Variants in ARHGAP10 observed in about 807,000 individuals in gnomAD.
ARHGAP10 encodes rho GTPase-activating protein 10.
Under a neutral mutation model 108.6 loss-of-function variants are expected in ARHGAP10, and 87 were observed. The ratio of observed to expected loss-of-function variants is 0.80; its 90% CI spans 0.67 to 0.96. The LOEUF is 0.96. Ranked by LOEUF, ARHGAP10 falls within the 40% of genes least tolerant of loss-of-function variation. The probability of loss-of-function intolerance (pLI) is 0.00; values close to 1 mark genes in which losing one functional copy is unlikely to be tolerated. For synonymous variants in ARHGAP10, 347 were observed against 341.1 expected (o/e 1.02, Z -0.19); for missense variants, 939 against 954.5 (o/e 0.98, Z 0.21).
chr4:148,054,323 C>T (rs1436166029), intron 20 of ARHGAP10, among the ~76,000 whole-genome samples: 6 of 152,154 alleles, frequency 3.9e-5, no homozygotes, highest in African/African-American at 1.4e-4. Flanking sequence ...TTTAAGCAAA[C>T]CAAGGCTTAG....
At chr4:147,855,389 A>G (rs1238070243) in intron 4 of ARHGAP10, among the ~76,000 whole-genome samples, 2 of 151,744 alleles carry the variant, frequency 1.3e-5, no homozygotes, top group Non-Finnish European at 1.5e-5. Flanking sequence ...GTGGAAGAGC[A>G]TAATGAAAAG....
intron 5 of ARHGAP10, chr4:147,857,872 G>C (rs185983952): frequency 4.2e-5 from 11 of 259,788 alleles, no homozygotes; most frequent in African/African-American, 8.9e-5. Context: ...ATTCATAGTA[G>C]TAAAATTTTT....
chr4:148,042,154 C>T (rs996238472), intron 19 of ARHGAP10, among the ~76,000 whole-genome samples: 2 of 152,210 alleles, frequency 1.3e-5, no homozygotes, highest in East Asian at 1.9e-4. Flanking sequence ...TTTTTTTATT[C>T]CCTATTTCAG....
intron 12 of ARHGAP10, among the ~76,000 whole-genome samples, chr4:147,912,786 C>T (rs966854096): frequency 6.0e-5 from 9 of 148,832 alleles, no homozygotes; most frequent in Non-Finnish European, 8.9e-5. Flanking sequence ...GCTGGGACTA[C>T]AGGCACCCAT....
intron 19 of ARHGAP10, among the ~76,000 whole-genome samples, chr4:148,031,030 G>A (rs1728127150): frequency 1.3e-5 from 2 of 152,204 alleles, no homozygotes; most frequent in South Asian, 2.1e-4. Context: ...CTGCACTCCA[G>A]CCTGGGTGAC....
chr4:147,961,694 T>G (rs1295864377), intron 16 of ARHGAP10, among the ~76,000 whole-genome samples: 2 of 152,130 alleles, frequency 1.3e-5, no homozygotes, highest in Admixed American at 6.5e-5. Flanking sequence ...CCTCTTTGTT[T>G]AACCTCCTCA....
chr4:147,925,991 C>T (rs1737446524), intron 13 of ARHGAP10, among the ~76,000 whole-genome samples: 1 of 152,210 alleles, frequency 6.6e-6, no homozygotes. Context: ...TTTGCTAAGG[C>T]TGCAAGCAAC....
At chr4:147,779,514 A>G (rs1297288808) in intron 1 of ARHGAP10, among the ~76,000 whole-genome samples, 1 of 152,162 alleles carries the variant, frequency 6.6e-6, no homozygotes, top group Non-Finnish European at 1.5e-5. Flanking sequence ...TGTCCCCCAG[A>G]TGGATTATCT....
intron 7 of ARHGAP10, among the ~76,000 whole-genome samples, chr4:147,872,099 C>CAAAAAAA (rs36205660): frequency 1.4e-5 from 1 of 70,018 alleles, no homozygotes; most frequent in Non-Finnish European, 3.5e-5. Context: ...GAGACTCGGT[C>CAAAAAAA]AAAAAAAAAA....
At chr4:147,955,867 T>C (rs1001394783) in intron 16 of ARHGAP10, among the ~76,000 whole-genome samples, 1 of 152,154 alleles carries the variant, frequency 6.6e-6, no homozygotes, top group Non-Finnish European at 1.5e-5. Context: ...CTCCAAACAG[T>C]ATTTGATACA....
Position 147,732,222 on chromosome 4 carries a change from G to C in ARHGAP10, c.-80G>C, listed in dbSNP as rs2126668564. The C allele has an allele frequency of 2.2e-6, 3 of 1,387,894 alleles. No homozygotes were observed. The South Asian group carries it at 4.9e-5, about 23-fold the overall frequency. The allele number at this position is 1,387,894 out of a possible 1,614,324, so 86.0% of individuals were successfully genotyped here. A position where few individuals can be genotyped will look rare whatever the true frequency, so the allele number is the denominator to read the frequency against. ...CCTCTGTGCTCCCTGAACGCGCGGC[G>C]CCGCACCTGGCAGCGGCCTCGGAGC... On this transcript the variant is annotated 5_prime_UTR_variant, in exon 1 of 23. Transcript: ENST00000336498.
chr4:147,814,161 T>C (rs1732140489), intron 1 of ARHGAP10, among the ~76,000 whole-genome samples: 1 of 152,184 alleles, frequency 6.6e-6, no homozygotes, highest in South Asian at 2.1e-4. Flanking sequence ...TACAGCACCA[T>C]GGGCTGTGCT....
At chr4:147,967,492 G>T (rs926960439) in intron 18 of ARHGAP10, among the ~76,000 whole-genome samples, 3 of 152,214 alleles carry the variant, frequency 2.0e-5, no homozygotes, top group Admixed American at 1.3e-4. Flanking sequence ...TGTGGTGGAT[G>T]GGGTTGACCC....
At chr4:148,042,564 T>C (rs770125547) in intron 19 of ARHGAP10, among the ~76,000 whole-genome samples, 8 of 152,192 alleles carry the variant, frequency 5.3e-5, no homozygotes, top group Non-Finnish European at 8.8e-5. Context: ...TTCCCTTTCC[T>C]GTTGCTGCAC....
chr4:147,918,997 C>T (rs533590382), intron 13 of ARHGAP10, among the ~76,000 whole-genome samples: 2 of 152,324 alleles, frequency 1.3e-5, no homozygotes, highest in Admixed American at 1.3e-4. Context: ...TTTTCCTCTT[C>T]TACTAAATTC....
rs950667371 is a variant in ARHGAP10, at chr4:147,941,773, C to T, written c.1303+1874C>T. ...TTTGGATTTTCATTAGCATTAATAC[C>T]ATTTTCTTATTACCTTATGCTACCA... is the stretch of plus-strand genomic sequence containing the variant. On this transcript the variant is annotated intron_variant, in intron 14 of 22. Coordinates refer to ENST00000336498, the MANE Select transcript of ARHGAP10 (RefSeq NM_024605.4). Among the ~76,000 whole-genome samples the T allele has an allele frequency of 2.4e-4, 37 of 152,092 alleles. 1 individual carries two copies. Among genetic ancestry groups the T allele is most frequent in the African/African-American group, 8.2e-4 (34 of 41,392 alleles).
chr4:147,920,780 T>G (rs529736404), intron 13 of ARHGAP10, among the ~76,000 whole-genome samples: 22 of 152,380 alleles, frequency 1.4e-4, no homozygotes, highest in African/African-American at 3.8e-4. Flanking sequence ...GCATGTGATG[T>G]TAATTGAGGA....
chr4:148,057,878 A>G (rs1729428671), intron 20 of ARHGAP10, among the ~76,000 whole-genome samples: 1 of 152,166 alleles, frequency 6.6e-6, no homozygotes, highest in Admixed American at 6.5e-5. Flanking sequence ...AAGTCCTCAG[A>G]CTGTAAATGA....
chr4:148,064,937 C>G (rs1443878795), intron 22 of ARHGAP10, among the ~76,000 whole-genome samples: 3 of 152,158 alleles, frequency 2.0e-5, no homozygotes, highest in African/African-American at 7.2e-5. Context: ...TTTTTGATTT[C>G]TATTTCTCTT....
Sources: allele counts gnomAD v4.1 joint callset (sites outside exome capture counted in the v4.1 genomes callset), GRCh38; gene constraint gnomAD v4.1.1; transcripts MANE v1.5; gene names NCBI Gene and HGNC (gene_info 2026-07-23, HGNC 2026-07-21).